Variants in FTO observed in about 807,000 individuals in gnomAD.
The protein encoded by FTO is FTO alpha-ketoglutarate dependent dioxygenase.
A neutral mutation model predicts 63.9 loss-of-function variants in FTO; 47 were observed. That is an observed-to-expected ratio of 0.74 (90% CI 0.58 to 0.94). The LOEUF is 0.94. Ranked by LOEUF, FTO falls within the 40% of genes least tolerant of loss-of-function variation. FTO has a pLI of 0.00. For missense variants in FTO, 562 were observed against 618.1 expected, an observed-to-expected ratio of 0.91 and a Z score of 0.96; for synonymous variants, 207 against 224.4, an observed-to-expected ratio of 0.92 and a Z score of 0.69.
rs1230199654 is a variant in FTO, at chr16:54,117,130, C to T, written c.*5215C>T. On this transcript the variant is annotated 3_prime_UTR_variant, in exon 9 of 9. Coordinates refer to ENST00000471389, the MANE Select transcript of FTO (RefSeq NM_001080432.3). ...AGAAGAGGTTTTCTGAGTTTAAGTT[C>T]TGATTCTGTGTGTGATTCTCACTCT... is the stretch of plus-strand genomic sequence containing the variant. The T allele has an allele frequency of 6.6e-6, 1 of 152,166 alleles. No individual in the cohort carries two copies. Among genetic ancestry groups the T allele is most frequent in the East Asian group, 1.9e-4 (1 of 5,200 alleles). The allele number at this position is 152,166 out of a possible 1,614,324, so 9.4% of individuals were successfully genotyped here. A position where few individuals can be genotyped will look rare whatever the true frequency, so the allele number is the denominator to read the frequency against.
At chr16:54,012,749 C>T (rs1033109334) in intron 8 of FTO, among the ~76,000 whole-genome samples, 1 of 151,460 alleles carries the variant, frequency 6.6e-6, no homozygotes, top group Non-Finnish European at 1.5e-5. Flanking sequence ...ATAAATGGAA[C>T]AACAAAGCCT....
intron 4 of FTO, among the ~76,000 whole-genome samples, chr16:53,872,005 G>A (rs1032100584): frequency 1.3e-5 from 2 of 152,250 alleles, no homozygotes; most frequent in South Asian, 4.1e-4. Context: ...GAGATTCCAG[G>A]CATGAGCCAC....
At chr16:53,826,658 A>T (rs1231709821) in intron 3 of FTO, among the ~76,000 whole-genome samples, 167 bp downstream of exon 3, 1 of 152,058 alleles carries the variant, frequency 6.6e-6, no homozygotes, top group African/African-American at 2.4e-5. Flanking sequence ...GTCTTGTCAC[A>T]CCTGTATGTC....
intron 4 of FTO, among the ~76,000 whole-genome samples, chr16:53,861,924 C>G (rs1324125593): frequency 6.6e-6 from 1 of 152,130 alleles, no homozygotes; most frequent in East Asian, 1.9e-4. Context: ...GCTTGATTGG[C>G]TATAGGATTC....
At chr16:53,712,922 G>A (rs1485131238) in intron 1 of FTO, among the ~76,000 whole-genome samples, 1 of 151,028 alleles carries the variant, frequency 6.6e-6, no homozygotes, top group Non-Finnish European at 1.5e-5. Flanking sequence ...GTAGATGATA[G>A]TCTCCAAAAA....
intron 3 of FTO, among the ~76,000 whole-genome samples, chr16:53,839,612 C>T (rs1158349393): frequency 5.3e-5 from 8 of 151,742 alleles, no homozygotes; most frequent in African/African-American, 1.9e-4. Context: ...GAGAAGAGTA[C>T]CAGGATGAAA....
At chr16:54,020,081 A>G (rs1356196796) in intron 8 of FTO, among the ~76,000 whole-genome samples, 2 of 152,196 alleles carry the variant, frequency 1.3e-5, no homozygotes, top group African/African-American at 2.4e-5. Context: ...TTTAGAGTAA[A>G]ATAATAAATA....
At chr16:54,070,620 A>G (rs889481138) in intron 8 of FTO, 2 of 152,220 alleles carry the variant, frequency 1.3e-5, no homozygotes, top group African/African-American at 4.8e-5. Flanking sequence ...AACACTTTCT[A>G]ATACCACGGA....
rs1325969912 is a variant in FTO, at chr16:54,117,369, T to TA, written c.*5456dup. ...AGCTTTGTGACTGGGCCAAATCACTTAACCCCTCTGCGCTCCAGTCTTTGT... is the reference window on the plus strand; with the variant it reads ...AGCTTTGTGACTGGGCCAAATCACTTAAACCCCTCTGCGCTCCAGTCTTTGT... On this transcript the variant is annotated 3_prime_UTR_variant, in exon 9 of 9. Coordinates refer to ENST00000471389, the MANE Select transcript of FTO (RefSeq NM_001080432.3). 1 of 152,192 alleles carries TA rather than the reference T, an allele frequency of 6.6e-6. No individual in the cohort carries two copies. Among genetic ancestry groups the TA allele is most frequent in the Non-Finnish European group, 1.5e-5 (1 of 68,036 alleles). The allele number at this position is 152,192 out of a possible 1,614,324, so 9.4% of individuals were successfully genotyped here. A position where few individuals can be genotyped will look rare whatever the true frequency, so the allele number is the denominator to read the frequency against.
At position 53,883,646 on chromosome 16, in the gene FTO, A is replaced by AAAAC. The variant is rs1555489017; in HGVS notation, c.1119+3663_1119+3666dup. Among the ~76,000 whole-genome samples, 150 of 135,708 alleles carry AAAAC rather than the reference A, an allele frequency of 1.1e-3. 3 individuals are homozygous for AAAAC. Among genetic ancestry groups the AAAAC allele is most frequent in the Middle Eastern group, 3.8e-3 (1 of 262 alleles). 89.0% of individuals were successfully genotyped at this position (135,708 alleles called of 152,430 possible). A position where few individuals can be genotyped will look rare whatever the true frequency, so the allele number is the denominator to read the frequency against. Reference sequence around the variant, plus strand: ...TCAAAAAAAAAAAAACAAAAAAAAAAAAACAAATTTGTCTGCTTCAGAAAG... The same window carrying AAAAC: ...TCAAAAAAAAAAAAACAAAAAAAAAAAAACAAACAAATTTGTCTGCTTCAGAAAG... On this transcript the variant is annotated intron_variant, in intron 6 of 8. Transcript: ENST00000471389.
At chr16:53,802,349 T>G (rs1378811899) in intron 1 of FTO, among the ~76,000 whole-genome samples, 1 of 152,214 alleles carries the variant, frequency 6.6e-6, no homozygotes, top group Non-Finnish European at 1.5e-5. Flanking sequence ...TCTGCACATG[T>G]TTGGTATAGC....
intron 8 of FTO, among the ~76,000 whole-genome samples, chr16:54,024,943 G>A (rs569321811): frequency 6.6e-6 from 1 of 152,308 alleles, no homozygotes; most frequent in East Asian, 1.9e-4. Flanking sequence ...TGTATTTAAT[G>A]AAAAATTTAA....
chr16:53,973,120 T>C (rs1433699607), intron 8 of FTO, among the ~76,000 whole-genome samples: 2 of 152,314 alleles, frequency 1.3e-5, no homozygotes, highest in Admixed American at 6.5e-5. Context: ...ATATGGCACT[T>C]AGCCTCCTAA....
intron 1 of FTO, among the ~76,000 whole-genome samples, chr16:53,792,647 A>G (rs922999335): frequency 2.6e-5 from 4 of 152,214 alleles, no homozygotes; most frequent in Admixed American, 1.3e-4. Flanking sequence ...TGATCATACT[A>G]ATGCTAAGTC....
At position 54,055,269 on chromosome 16, in the gene FTO, A is replaced by T. The variant is rs140828837; in HGVS notation, c.1365-56493A>T. The stretch of plus-strand genomic sequence containing the variant: ...ACGAACAGCATATTCATTTCATTAG[A>T]CTTGGCTGTTTTGAGACTCTGAGCA... On this transcript the variant is annotated intron_variant, in intron 8 of 8. Coordinates refer to ENST00000471389, the MANE Select transcript of FTO (RefSeq NM_001080432.3). 3.8e-3 allele frequency among the ~76,000 whole-genome samples: 575 copies of T among 152,250 alleles called. 3 individuals are homozygous for T. Among genetic ancestry groups the T allele is most frequent in the African/African-American group, 0.013 (544 of 41,536 alleles).
Position 53,948,018 on chromosome 16 carries a change from C to T in FTO, c.1364+13909C>T, listed in dbSNP as rs117893287. Among the ~76,000 whole-genome samples the T allele has an allele frequency of 9.6e-3, 1,465 of 152,144 alleles. 15 individuals carry two copies. The highest frequency in any genetic ancestry group is 0.013 in the Non-Finnish European group (874 of 68,010). The stretch of plus-strand genomic sequence containing the variant: ...AATCAAAGTCTGAGTTTGAGTGACG[C>T]GTACACAAACAGTGGTGGTTTCGGT... On this transcript the variant is annotated intron_variant, in intron 8 of 8. Coordinates refer to ENST00000471389, the MANE Select transcript of FTO (RefSeq NM_001080432.3).
At chr16:53,893,573 T>C (rs983243619) in intron 7 of FTO, among the ~76,000 whole-genome samples, 4 of 152,180 alleles carry the variant, frequency 2.6e-5, no homozygotes, top group African/African-American at 9.7e-5. Context: ...TAAAAATGTT[T>C]TAACACTATC....
intron 7 of FTO, among the ~76,000 whole-genome samples, chr16:53,921,271 A>T: frequency 6.6e-6 from 1 of 152,020 alleles, no homozygotes; most frequent in East Asian, 1.9e-4. Flanking sequence ...AGTGTTTTAC[A>T]CTTCATATAA....
intron 1 of FTO, among the ~76,000 whole-genome samples, chr16:53,770,312 G>A (rs990507926): frequency 3.3e-5 from 5 of 152,050 alleles, no homozygotes; most frequent in Non-Finnish European, 7.4e-5. Flanking sequence ...TTGGAATTTG[G>A]AATTTCCAAG....
Sources: allele counts gnomAD v4.1 joint callset (sites outside exome capture counted in the v4.1 genomes callset), GRCh38; gene constraint gnomAD v4.1.1; transcripts MANE v1.5; gene names NCBI Gene and HGNC (gene_info 2026-07-23, HGNC 2026-07-21).